GRID2: variants seen among roughly 807,000 people sequenced by gnomAD.
GRID2 encodes the protein glutamate receptor ionotropic, delta-2.
A neutral mutation model predicts 114.8 loss-of-function variants in GRID2; 33 were observed. The observed-to-expected ratio is 0.29, with a 90% CI of 0.22 to 0.38. The LOEUF (loss-of-function observed/expected upper bound fraction) is 0.38. Among genes scored for constraint, GRID2 ranks in the 10% least tolerant of loss-of-function variants. The probability of loss-of-function intolerance (pLI) is 1.00; values close to 1 mark genes in which losing one functional copy is unlikely to be tolerated. For synonymous variants in GRID2, 505 were observed against 449.9 expected, an observed-to-expected ratio of 1.12 and a Z score of -1.55; for missense variants, 1,184 against 1,257.7, an observed-to-expected ratio of 0.94 and a Z score of 0.89.
At chr4:93,805,027 C>A (rs1051677504) in intron 1 of GRID2, among the ~76,000 whole-genome samples, 1 of 152,128 alleles carries the variant, frequency 6.6e-6, no homozygotes, top group Non-Finnish European at 1.5e-5. Flanking sequence ...TTCTATTTTC[C>A]AAAGTACCTA....
intron 2 of GRID2, among the ~76,000 whole-genome samples, chr4:92,748,632 G>GTATTATTATTATTAT (rs10673614): frequency 1.2e-4 from 16 of 137,758 alleles, no homozygotes; most frequent in South Asian, 4.9e-4. Context: ...TAATTAAATT[G>GTATTATTATTATTAT]TATTATTATT....
chr4:93,290,860 G>C (rs955067838), intron 8 of GRID2, among the ~76,000 whole-genome samples: 2 of 145,482 alleles, frequency 1.4e-5, no homozygotes, highest in Non-Finnish European at 3.0e-5. Context: ...GGGTTCAAAA[G>C]CATACAAGTT....
At chr4:92,964,115 T>C (rs1280089363) in intron 2 of GRID2, among the ~76,000 whole-genome samples, 1 of 151,942 alleles carries the variant, frequency 6.6e-6, no homozygotes, top group Non-Finnish European at 1.5e-5. Flanking sequence ...ACAGGGAGGA[T>C]AGATTTAACA....
intron 8 of GRID2, among the ~76,000 whole-genome samples, chr4:93,333,084 CT>C (rs1758671649): frequency 6.6e-6 from 1 of 151,938 alleles, no homozygotes; most frequent in African/African-American, 2.4e-5. Context: ...TGCTCTAAGC[CT>C]TTTTTAGCTT....
Position 92,951,332 on chromosome 4 carries a change from T to TA in GRID2, c.245-133663_245-133662insA, listed in dbSNP as rs1271870241. Among the ~76,000 whole-genome samples, 31 of 150,194 alleles carry TA rather than the reference T, an allele frequency of 2.1e-4. 1 individual carries two copies. In the South Asian group the frequency reaches 4.6e-3, roughly 22 times the overall value. ...ATTGTTCTCCAAAAATTCGCAAAAT[T>TA]TTTTATTTATTTATTTATTTATTTA... On this transcript the variant is annotated intron_variant, in intron 2 of 15. Coordinates refer to ENST00000282020, the MANE Select transcript of GRID2 (RefSeq NM_001510.4).
intron 4 of GRID2, among the ~76,000 whole-genome samples, chr4:93,149,076 G>C (rs915684674): frequency 2.6e-5 from 4 of 152,024 alleles, no homozygotes; most frequent in African/African-American, 9.7e-5. Context: ...ACAGTCCTGA[G>C]GAAATTATGC....
rs555271738 is a variant in GRID2, at chr4:92,888,496, A to G, written c.245-196499A>G. ...CCTTGATTTGCTTAAAAGTATTATT[A>G]AGGATGAGAATGTAATACTGCCAGT... On this transcript the variant is annotated intron_variant, in intron 2 of 15. Transcript: ENST00000282020. Among the ~76,000 whole-genome samples the G allele has an allele frequency of 3.9e-5, 6 of 152,188 alleles. No homozygotes were observed. The South Asian group carries it at 1.2e-3, about 32-fold the overall frequency.
chr4:92,663,478 T>C (rs1174008815), intron 2 of GRID2, among the ~76,000 whole-genome samples: 5 of 151,234 alleles, frequency 3.3e-5, no homozygotes, highest in Non-Finnish European at 7.4e-5. Context: ...ATGCATATAC[T>C]ATAAGTGAAT....
intron 3 of GRID2, among the ~76,000 whole-genome samples, chr4:93,097,220 G>A (rs1328537106): frequency 2.6e-5 from 4 of 151,462 alleles, no homozygotes; most frequent in African/African-American, 9.7e-5. Flanking sequence ...AGTAACAGTG[G>A]AATACAATAA....
chr4:93,473,538 T>G (rs1000296019), intron 11 of GRID2, among the ~76,000 whole-genome samples: 1 of 152,122 alleles, frequency 6.6e-6, no homozygotes, highest in Non-Finnish European at 1.5e-5. Context: ...ACATAAAACA[T>G]GACAACTCTG....
chr4:93,469,317 A>T (rs1724579076), intron 11 of GRID2, among the ~76,000 whole-genome samples: 1 of 152,108 alleles, frequency 6.6e-6, no homozygotes, highest in South Asian at 2.1e-4. Context: ...GGAAAGAAAT[A>T]TACATATATA....
At chr4:93,241,641 G>T (rs1450944821) in intron 8 of GRID2, among the ~76,000 whole-genome samples, 1 of 151,724 alleles carries the variant, frequency 6.6e-6, no homozygotes, top group Non-Finnish European at 1.5e-5. Context: ...GTTGGATTTT[G>T]AAATTAAGGT....
chr4:92,748,900 G>C (rs1207834387), intron 2 of GRID2, among the ~76,000 whole-genome samples: 1 of 151,860 alleles, frequency 6.6e-6, no homozygotes, highest in Non-Finnish European at 1.5e-5. Context: ...CTGAGCTCAG[G>C]TGATCTGCCT....
In GRID2 at chr4:92,831,955, T is replaced by A. The variant is rs574556466; in HGVS notation, c.244+241669T>A. 5.3e-5 allele frequency among the ~76,000 whole-genome samples: 8 copies of A among 152,136 alleles called. No individual in the cohort carries two copies. In the South Asian group the frequency reaches 1.7e-3, roughly 32 times the overall value. On this transcript the variant is annotated intron_variant, in intron 2 of 15. Transcript: ENST00000282020. ...ACTGCTACCTACATCTTAACATGGC[T>A]CTGACGATTAATGATACAGTGCATA...
At chr4:92,341,303 G>A (rs1727476166) in intron 1 of GRID2, among the ~76,000 whole-genome samples, 1 of 152,052 alleles carries the variant, frequency 6.6e-6, no homozygotes, top group Non-Finnish European at 1.5e-5. Flanking sequence ...AATAAGCCCT[G>A]TATGGTCCAA....
At chr4:93,396,352 T>G (rs1765333262) in intron 9 of GRID2, among the ~76,000 whole-genome samples, 3 of 151,970 alleles carry the variant, frequency 2.0e-5, no homozygotes, top group African/African-American at 7.2e-5. Context: ...CTGTGGGGGA[T>G]GCATTCCAAG....
intron 2 of GRID2, among the ~76,000 whole-genome samples, chr4:92,766,383 A>G (rs1252002790): frequency 6.6e-6 from 1 of 151,960 alleles, no homozygotes; most frequent in Admixed American, 6.6e-5. Flanking sequence ...CCAAAACTAC[A>G]ACAATTAGCC....
chr4:92,839,470 C>T (rs552457386), intron 2 of GRID2, among the ~76,000 whole-genome samples: 15 of 143,862 alleles, frequency 1.0e-4, no homozygotes, highest in South Asian at 2.4e-4. Context: ...TTCCTGTGTC[C>T]GCGTGTTCTC....
chr4:92,504,057 A>G (rs192222069), intron 1 of GRID2, among the ~76,000 whole-genome samples: 136 of 152,264 alleles, frequency 8.9e-4, no homozygotes, highest in African/African-American at 3.0e-3. Context: ...TCAACTACGT[A>G]AAGCAGACCA....
Sources: gnomAD v4.1 joint callset for allele counts (sites outside exome capture counted in the v4.1 genomes callset) on GRCh38, gnomAD v4.1.1 for gene constraint, MANE v1.5 for transcripts, NCBI Gene and HGNC (gene_info 2026-07-23, HGNC 2026-07-21) for gene names.